The following MYO18A variants were observed in gnomAD, a reference collection of about 807,000 sequenced individuals.
MYO18A encodes myosin XVIIIA, also known as unconventional myosin-XVIIIa.
Under a neutral mutation model 235.8 loss-of-function variants are expected in MYO18A, and 78 were observed. That is an observed-to-expected ratio of 0.33 (90% CI 0.28 to 0.40). The LOEUF (loss-of-function observed/expected upper bound fraction) is 0.40, where lower values mean the gene tolerates loss of function less well. Ranked by LOEUF, MYO18A falls within the 10% of genes least tolerant of loss-of-function variation. MYO18A has a pLI of 1.00. For synonymous variants in MYO18A, 977 were observed against 1,077.8 expected, an observed-to-expected ratio of 0.91 and a Z score of 1.83; for missense variants, 2,215 against 2,699.3, an observed-to-expected ratio of 0.82 and a Z score of 3.98.
intron 36 of MYO18A, 29 bp from the exon 37 acceptor site, chr17:29,090,127 A>C: frequency 6.2e-7 from 1 of 1,602,542 alleles, no homozygotes; most frequent in Non-Finnish European, 8.5e-7. Context: ...AAGAGAAGAA[A>C]GAACTGAGCC....
Position 29,071,519 on chromosome 17 carries a change from C to T in MYO18A, c.*3251G>A, listed in dbSNP as rs1424192277. ...CAGCCTGTGGCATGTTCTACCAGCA[C>T]CTCTCTTTCCCTGCCCCAGGACCTT... On this transcript the variant is annotated 3_prime_UTR_variant, in exon 42 of 42. Coordinates refer to ENST00000527372, the MANE Select transcript of MYO18A (RefSeq NM_078471.4). 1 of 152,172 alleles carries T rather than the reference C, an allele frequency of 6.6e-6. No homozygotes were observed. 9.4% of individuals were successfully genotyped at this position (152,172 alleles called of 1,614,324 possible). A position where few individuals can be genotyped will look rare whatever the true frequency, so the allele number is the denominator to read the frequency against.
chr17:29,107,005 G>A (rs2066803370), intron 20 of MYO18A, 75 bp downstream of exon 20: 1 of 1,387,130 alleles, frequency 7.2e-7, no homozygotes, highest in African/African-American at 1.4e-5. Flanking sequence ...GGGAAGGGAA[G>A]GCAGATGAGT....
chr17:29,086,941 C>G lies in MYO18A; in HGVS notation c.5707G>C (p.Glu1903Gln), dbSNP rs770633780. Residue 1903 changes from glutamate to glutamine, a missense_variant, in exon 38 of 42, where the codon GAA becomes CAA. By Grantham distance (29) the Glu-to-Gln change is conservative (BLOSUM62 2). Coordinates refer to ENST00000527372, the MANE Select transcript of MYO18A (RefSeq NM_078471.4). ...KEAEASRKKH[E>Q]LEMDLESLEA... The stretch of plus-strand genomic sequence containing the variant: ...TGGGGGACAGGGGGCATTACCAGTT[C>G]GTGCTTCTTGCGGCTCGCCTCGGCC... The G allele has an allele frequency of 6.2e-7, 1 of 1,612,056 alleles. No individual in the cohort carries two copies. Among genetic ancestry groups the G allele is most frequent in the East Asian group, 2.2e-5 (1 of 44,864 alleles).
chr17:29,132,000 G>A (rs1004054414), intron 2 of MYO18A, among the ~76,000 whole-genome samples: 1 of 152,348 alleles, frequency 6.6e-6, no homozygotes, highest in East Asian at 1.9e-4. Flanking sequence ...GATCTTGCTG[G>A]AGGCAGGGAG....
rs569529388 is a variant in MYO18A at position 29,125,001 on chromosome 17, C to G, written c.1000-2748G>C. Among the ~76,000 whole-genome samples, 27 of 152,308 alleles carry G rather than the reference C, an allele frequency of 1.8e-4. No homozygotes were observed. Among genetic ancestry groups the G allele is most frequent in the Non-Finnish European group, 3.2e-4 (22 of 68,022 alleles). ...CTGCCACTCTGCCTCTGGCCGCAGT[C>G]TCTCCTGGGCTGGCCATCCGGTCTA... On this transcript the variant is annotated intron_variant, in intron 2 of 41. Transcript: ENST00000527372. The surrounding 1 kb of genome is among the most constrained non-coding windows in gnomAD (Gnocchi z 5.1).
intron 40 of MYO18A, among the ~76,000 whole-genome samples, chr17:29,084,372 C>G (rs1181641120): frequency 6.6e-6 from 1 of 152,184 alleles, no homozygotes; most frequent in African/African-American, 2.4e-5. Flanking sequence ...ACATACAGAA[C>G]AGTGGATGGG....
chr17:29,148,394 G>A (rs1221921482), intron 2 of MYO18A, among the ~76,000 whole-genome samples: 1 of 152,178 alleles, frequency 6.6e-6, no homozygotes, highest in Non-Finnish European at 1.5e-5. Context: ...GGGCCAGGAG[G>A]GCCTGGAGCA....
Position 29,164,399 on chromosome 17 carries a change from G to A in MYO18A, c.999+1543C>T, listed in dbSNP as rs181150399. Among the ~76,000 whole-genome samples, 7 of 152,242 alleles carry A rather than the reference G, an allele frequency of 4.6e-5. No homozygotes were observed. The East Asian group carries it at 7.7e-4, about 17-fold the overall frequency. The stretch of plus-strand genomic sequence containing the variant: ...AAGCTGCCTAAACCCAGCTAGCTCC[G>A]GGTTAAAGGAAGGCCTGGAACCCAA... On this transcript the variant is annotated intron_variant, in intron 2 of 41. Transcript: ENST00000527372.
chr17:29,103,460 G>C (rs1598305495), intron 21 of MYO18A, 139 bp downstream of exon 21: 2 of 822,738 alleles, frequency 2.4e-6, no homozygotes, highest in East Asian at 5.3e-5. Context: ...GCTGGGCGGG[G>C]TGGAGCTGGG....
chr17:29,130,690 G>C (rs994792937), intron 2 of MYO18A, among the ~76,000 whole-genome samples: 1 of 152,192 alleles, frequency 6.6e-6, no homozygotes, highest in Non-Finnish European at 1.5e-5. Flanking sequence ...CTCTGCCCCA[G>C]AGCCCTGGGC....
In MYO18A at chr17:29,097,560, C is replaced by T. The variant is rs958345880; in HGVS notation, c.4103-210G>A. Among the ~76,000 whole-genome samples the T allele has an allele frequency of 3.3e-5, 5 of 152,344 alleles. No homozygotes were observed. In the East Asian group the frequency reaches 5.8e-4, roughly 18 times the overall value. ...GATGTGGCTACATGTGCTGTGCCCC[C>T]CAAAGGACTGCTGGGACCACGGCCC... is the stretch of plus-strand genomic sequence containing the variant. On this transcript the variant is annotated intron_variant, in intron 26 of 41. Coordinates refer to ENST00000527372, the MANE Select transcript of MYO18A (RefSeq NM_078471.4).
rs58344909 is a variant in MYO18A, at chr17:29,105,171, C to CAAAAAAA, written c.3442-1514_3442-1508dup. 1.6e-3 allele frequency among the ~76,000 whole-genome samples: 58 copies of CAAAAAAA among 35,698 alleles called. 1 individual carries two copies. Among genetic ancestry groups the CAAAAAAA allele is most frequent in the Middle Eastern group, 0.033 (2 of 60 alleles). 23.4% of individuals were successfully genotyped at this position (35,698 alleles called of 152,430 possible). A position where few individuals can be genotyped will look rare whatever the true frequency, so the allele number is the denominator to read the frequency against. On this transcript the variant is annotated intron_variant, in intron 20 of 41. Coordinates refer to ENST00000527372, the MANE Select transcript of MYO18A (RefSeq NM_078471.4). ...TGGGCGACAGAACGAGACTCTGTCT[C>CAAAAAAA]AAAAAAAAAAAAAAAAAAAAAAAAA... is the stretch of plus-strand genomic sequence containing the variant.
intron 1 of MYO18A, among the ~76,000 whole-genome samples, chr17:29,172,933 G>T (rs898449574): frequency 6.6e-6 from 1 of 152,120 alleles, no homozygotes; most frequent in African/African-American, 2.4e-5. Context: ...AACATTCACA[G>T]ACATGTGAAA....
At chr17:29,102,955 A>G (rs2066692269) in intron 21 of MYO18A, among the ~76,000 whole-genome samples, 1 of 152,034 alleles carries the variant, frequency 6.6e-6, no homozygotes, top group Non-Finnish European at 1.5e-5. Flanking sequence ...TGCGGGTGCC[A>G]CCTGTCCAAG....
intron 20 of MYO18A, among the ~76,000 whole-genome samples, chr17:29,104,187 T>A (rs1300652519): frequency 6.6e-6 from 1 of 152,076 alleles, no homozygotes; most frequent in Non-Finnish European, 1.5e-5. Flanking sequence ...CTCTTAGGGA[T>A]GGGCATGATC....
rs2066353347 is a variant in MYO18A, at chr17:29,089,839, C to T, written c.5526+122G>A. On this transcript the variant is annotated intron_variant, in intron 37 of 41. Coordinates refer to ENST00000527372, the MANE Select transcript of MYO18A (RefSeq NM_078471.4). Reference sequence around the variant, plus strand: ...AGCACCTGCCCGTCAGCTGGCCTGGCAGTGAGGCACAGGCCTCTGAGGACT... The same window carrying T: ...AGCACCTGCCCGTCAGCTGGCCTGGTAGTGAGGCACAGGCCTCTGAGGACT... 6.2e-6 allele frequency: 8 copies of T among 1,287,320 alleles called. No homozygotes were observed. The Admixed American group carries it at 1.8e-4, about 29-fold the overall frequency. The allele number at this position is 1,287,320 out of a possible 1,614,324, so 79.7% of individuals were successfully genotyped here.
chr17:29,119,972 T>G (rs2067159000), intron 7 of MYO18A, among the ~76,000 whole-genome samples: 1 of 151,998 alleles, frequency 6.6e-6, no homozygotes, highest in East Asian at 1.9e-4. Context: ...ACCTCCCAGG[T>G]TCAAGTGACC....
At chr17:29,131,827 G>T (rs1039557218) in intron 2 of MYO18A, among the ~76,000 whole-genome samples, 1 of 152,234 alleles carries the variant, frequency 6.6e-6, no homozygotes, top group Non-Finnish European at 1.5e-5. Context: ...CAGGCAAGAA[G>T]TGGTTTGAAC....
intron 11 of MYO18A, 69 bp downstream of exon 11, chr17:29,116,375 A>G: frequency 1.3e-6 from 2 of 1,592,016 alleles, no homozygotes; most frequent in Non-Finnish European, 1.7e-6. Flanking sequence ...CCGCACAGAC[A>G]TATGTGCCTC....
Sources: allele counts gnomAD v4.1 joint callset (sites outside exome capture counted in the v4.1 genomes callset), GRCh38; gene constraint gnomAD v4.1.1; non-coding constraint Gnocchi (gnomAD v3.1); transcripts MANE v1.5; gene names NCBI Gene and HGNC (gene_info 2026-07-23, HGNC 2026-07-21).